SLC25A21: variants seen among roughly 807,000 people sequenced by gnomAD.
SLC25A21 encodes the protein mitochondrial 2-oxodicarboxylate carrier.
In SLC25A21, 47 loss-of-function variants were observed where a neutral mutation model predicts 43.8. The ratio of observed to expected loss-of-function variants is 1.07; its 90% CI spans 0.85 to 1.37. The LOEUF is 1.37. Among genes scored for constraint, SLC25A21 ranks in the 40% most tolerant of loss-of-function variants. The pLI, the probability that SLC25A21 is intolerant of heterozygous loss-of-function variation, is 0.00. For missense variants in SLC25A21, 352 were observed against 350.2 expected, an observed-to-expected ratio of 1.00 and a Z score of -0.04; for synonymous variants, 131 against 121.3, an observed-to-expected ratio of 1.08 and a Z score of -0.52.
intron 1 of SLC25A21, among the ~76,000 whole-genome samples, chr14:37,121,557 G>A (rs112960784): frequency 0.041 from 6,174 of 152,218 alleles, 438 homozygotes; most frequent in African/African-American, 0.14. Context: ...GGAGGCTGAG[G>A]TGGGCAGATC....
intron 1 of SLC25A21, among the ~76,000 whole-genome samples, chr14:37,056,741 T>C (rs891531885): frequency 6.6e-6 from 1 of 152,156 alleles, no homozygotes; most frequent in Admixed American, 6.5e-5. Flanking sequence ...AAGTCAGCAC[T>C]GAAAGATAAT....
intron 1 of SLC25A21, among the ~76,000 whole-genome samples, chr14:36,950,225 T>C (rs950605185): frequency 2.0e-5 from 3 of 152,198 alleles, no homozygotes; most frequent in African/African-American, 7.2e-5. Context: ...ATTTTGTTCA[T>C]TATTTATCCA....
chr14:36,840,800 G>T (rs778396913), intron 2 of SLC25A21, among the ~76,000 whole-genome samples: 1 of 152,130 alleles, frequency 6.6e-6, no homozygotes, highest in South Asian at 2.1e-4. Flanking sequence ...TCTGATATCC[G>T]ACGAGTCAGA....
chr14:36,956,221 T>A (rs1017443701), intron 1 of SLC25A21, among the ~76,000 whole-genome samples: 2 of 152,194 alleles, frequency 1.3e-5, no homozygotes, highest in African/African-American at 4.8e-5. Flanking sequence ...CACATTTATA[T>A]CCTTTCCCCG....
chr14:36,838,876 C>T (rs183404221), intron 2 of SLC25A21, among the ~76,000 whole-genome samples: 2 of 152,230 alleles, frequency 1.3e-5, no homozygotes, highest in East Asian at 3.9e-4. Flanking sequence ...TACATGATGC[C>T]AGTACATCTA....
At chr14:37,157,629 C>CA (rs1479235716) in intron 1 of SLC25A21, among the ~76,000 whole-genome samples, 1 of 152,030 alleles carries the variant, frequency 6.6e-6, no homozygotes, top group African/African-American at 2.4e-5. Flanking sequence ...ATAACTACAG[C>CA]AAAAATAGCA....
At chr14:37,126,542 C>T (rs755584439) in intron 1 of SLC25A21, among the ~76,000 whole-genome samples, 2 of 151,280 alleles carry the variant, frequency 1.3e-5, no homozygotes, top group Non-Finnish European at 2.9e-5. Flanking sequence ...CATTGAAAGA[C>T]ATTTGTTACA....
chr14:37,133,081 T>C (rs1450674748), intron 1 of SLC25A21, among the ~76,000 whole-genome samples: 1 of 151,930 alleles, frequency 6.6e-6, no homozygotes, highest in East Asian at 1.9e-4. Context: ...GATAAGGATG[T>C]TGTTTTAAAA....
At chr14:36,958,115 G>A (rs1312545798) in intron 1 of SLC25A21, among the ~76,000 whole-genome samples, 1 of 151,666 alleles carries the variant, frequency 6.6e-6, no homozygotes, top group African/African-American at 2.4e-5. Flanking sequence ...CACAAGAACA[G>A]CTACTGAGGA....
rs369718667 is a variant in SLC25A21, at chr14:36,963,132, C to T, written c.71-88128G>A. Among the ~76,000 whole-genome samples, 7 of 152,230 alleles carry T rather than the reference C, an allele frequency of 4.6e-5. No individual in the cohort carries two copies. The South Asian group carries it at 1.5e-3, about 32-fold the overall frequency. ...CAAAATGTTCCAGAAATATTTTTCA[C>T]TTTCCTTTGGTTACAAAATAGGACC... On this transcript the variant is annotated intron_variant, in intron 1 of 9. Coordinates refer to ENST00000331299, the MANE Select transcript of SLC25A21 (RefSeq NM_030631.4).
At chr14:37,064,401 G>A (rs942269270) in intron 1 of SLC25A21, among the ~76,000 whole-genome samples, 1 of 151,960 alleles carries the variant, frequency 6.6e-6, no homozygotes, top group Non-Finnish European at 1.5e-5. Context: ...TGAGCCAGTT[G>A]ATAAATTCTC....
chr14:36,958,678 T>TGCGCGCACAC (rs147541950), intron 1 of SLC25A21, among the ~76,000 whole-genome samples: 1 of 107,660 alleles, frequency 9.3e-6, no homozygotes, highest in African/African-American at 4.2e-5. Flanking sequence ...TAAGCACACG[T>TGCGCGCACAC]GCACACACAC....
chr14:37,153,684 GTC>G (rs1161603941), intron 1 of SLC25A21, among the ~76,000 whole-genome samples: 1 of 152,202 alleles, frequency 6.6e-6, no homozygotes, highest in African/African-American at 2.4e-5. Flanking sequence ...GGCTGCTACT[GTC>G]TCTAACACAA....
At chr14:36,879,573 G>T (rs1890648979) in intron 1 of SLC25A21, among the ~76,000 whole-genome samples, 1 of 152,064 alleles carries the variant, frequency 6.6e-6, no homozygotes, top group African/African-American at 2.4e-5. Context: ...AAAATGCATG[G>T]GTTATCCCCT....
chr14:37,164,821 A>G (rs1964004777), intron 1 of SLC25A21, among the ~76,000 whole-genome samples: 1 of 152,160 alleles, frequency 6.6e-6, no homozygotes, highest in African/African-American at 2.4e-5. Context: ...ATATACTCTC[A>G]GATAATTAAT....
At chr14:37,098,824 A>C (rs1308227242) in intron 1 of SLC25A21, among the ~76,000 whole-genome samples, 1 of 144,990 alleles carries the variant, frequency 6.9e-6, no homozygotes, top group Non-Finnish European at 1.5e-5. Context: ...TTTTTTTGAG[A>C]CAAAGTCTCA....
chr14:37,117,636 GA>G (rs770142822), intron 1 of SLC25A21, among the ~76,000 whole-genome samples: 5 of 152,252 alleles, frequency 3.3e-5, no homozygotes, highest in African/African-American at 2.4e-5. Flanking sequence ...CAAAGAGGGA[GA>G]GGGGGGAAGT....
intron 1 of SLC25A21, among the ~76,000 whole-genome samples, chr14:36,946,552 C>A (rs1200137149): frequency 6.6e-6 from 1 of 152,078 alleles, no homozygotes; most frequent in Non-Finnish European, 1.5e-5. Flanking sequence ...TGCCCTTAAA[C>A]TTCTATTTTG....
intron 1 of SLC25A21, among the ~76,000 whole-genome samples, chr14:37,030,136 T>C (rs1260432038): frequency 2.0e-5 from 3 of 152,196 alleles, no homozygotes; most frequent in Admixed American, 1.3e-4. Context: ...ATATGTATTA[T>C]ATAAAGAAAA....
Sources: allele counts gnomAD v4.1 joint callset (sites outside exome capture counted in the v4.1 genomes callset), GRCh38; gene constraint gnomAD v4.1.1; transcripts MANE v1.5; gene names NCBI Gene and HGNC (gene_info 2026-07-23, HGNC 2026-07-21).